NCOA6: variants seen among roughly 807,000 people sequenced by gnomAD.
NCOA6 encodes NRC RAP250.
In NCOA6, 49 loss-of-function variants were observed where a neutral mutation model predicts 171.4. The observed-to-expected ratio is 0.29, with a 90% CI of 0.23 to 0.36. The LOEUF (loss-of-function observed/expected upper bound fraction) is 0.36. Ranked by LOEUF, NCOA6 falls within the 10% of genes least tolerant of loss-of-function variation. NCOA6 has a pLI of 1.00. For synonymous variants in NCOA6, 910 were observed against 927.5 expected (o/e 0.98, Z 0.34); for missense variants, 2,248 against 2,554.5 (o/e 0.88, Z 2.59).
chr20:34,791,200 C>T (rs2077870994), intron 2 of NCOA6, among the ~76,000 whole-genome samples: 1 of 152,222 alleles, frequency 6.6e-6, no homozygotes, highest in Non-Finnish European at 1.5e-5. Context: ...CAACCTGATG[C>T]ATTTTTAACA....
chr20:34,724,056 T>C (rs556743770), intron 14 of NCOA6, among the ~76,000 whole-genome samples: 95 of 152,340 alleles, frequency 6.2e-4, no homozygotes, highest in African/African-American at 2.2e-3. Flanking sequence ...GCATGTTCCC[T>C]TTTATGCTTT....
chr20:34,763,204 C>T (rs1028651897), intron 5 of NCOA6, among the ~76,000 whole-genome samples: 28 of 152,174 alleles, frequency 1.8e-4, no homozygotes, highest in African/African-American at 6.7e-4. Context: ...GTCATCCCTC[C>T]TCAATTTCTT....
chr20:34,784,535 T>C (rs1034392414), intron 2 of NCOA6, among the ~76,000 whole-genome samples: 2 of 152,114 alleles, frequency 1.3e-5, no homozygotes, highest in Admixed American at 6.6e-5. Flanking sequence ...CAATTTTTCT[T>C]TTTTAAATAG....
Position 34,742,890 on chromosome 20 carries a change from G to A in NCOA6, c.3366C>T (p.Ser1122=), listed in dbSNP as rs2076191286. Residue 1122 remains serine, a synonymous_variant, in exon 11 of 15, where the codon TCC becomes TCT. Coordinates refer to ENST00000359003, the MANE Select transcript of NCOA6 (RefSeq NM_014071.5). The stretch of plus-strand genomic sequence containing the variant: ...AGGCCATCTCCGCCAGTGGCGAGCT[G>A]GAAGGATTCTGCGGGCTCTCCTGAT... ...MVYQESPQNP[S]SSPLAEMASL... is the part of the protein sequence containing the mutation. 5.0e-6 allele frequency: 8 copies of A among 1,614,200 alleles called. No individual in the cohort carries two copies. The highest frequency in any genetic ancestry group is 6.8e-6 in the Non-Finnish European group (8 of 1,180,010).
rs188126261 is a variant in NCOA6, at chr20:34,741,426, A to G, written c.4830T>C (p.Ala1610=). Residue 1610 remains alanine (A), a synonymous_variant, in exon 11 of 15, where the codon GCT becomes GCC. Transcript: ENST00000359003. Reference sequence around the variant, plus strand: ...GAGTTGGCAAAGCTGCTGATGTGTTAGCTGAAGTTGTGATGGGATTGGAAG... The same window carrying G: ...GAGTTGGCAAAGCTGCTGATGTGTTGGCTGAAGTTGTGATGGGATTGGAAG... ...FVTSNPITTS[A]NTSAALPTHL... is the part of the protein sequence containing the mutation. 1.9e-6 allele frequency: 3 copies of G among 1,614,236 alleles called. No homozygotes were observed. The East Asian group carries it at 6.7e-5, about 36-fold the overall frequency.
At position 34,740,606 on chromosome 20, in the gene NCOA6, G is replaced by A. The variant is rs1268208638; in HGVS notation, c.5650C>T (p.Pro1884Ser). The change falls in exon 11 of 15, where the codon CCC (proline) becomes TCC (serine). Residue 1884 changes from proline (P) to serine (S), a missense_variant. Coordinates refer to ENST00000359003, the MANE Select transcript of NCOA6 (RefSeq NM_014071.5). ...CTAGAGGTCATTTTTAGCAGAGTGGGTGCTGGGGGCGTTGGGGTTTTACTG... is the reference window on the plus strand; with the variant it reads ...CTAGAGGTCATTTTTAGCAGAGTGGATGCTGGGGGCGTTGGGGTTTTACTG... ...LDSKTPTPPA[P>S]TLLKMTSSPV... The A allele has an allele frequency of 1.2e-6, 2 of 1,614,086 alleles. No individual in the cohort carries two copies. Among genetic ancestry groups the A allele is most frequent in the Non-Finnish European group, 1.7e-6 (2 of 1,180,064 alleles).
chr20:34,773,018 C>T (rs954934171), intron 4 of NCOA6, among the ~76,000 whole-genome samples: 8 of 152,122 alleles, frequency 5.3e-5, no homozygotes, highest in Non-Finnish European at 1.0e-4. Context: ...AGAACACTAC[C>T]GGCTCCCAAA....
chr20:34,764,567 T>A (rs892838485), intron 5 of NCOA6, among the ~76,000 whole-genome samples: 10 of 151,602 alleles, frequency 6.6e-5, no homozygotes, highest in African/African-American at 2.2e-4. Context: ...GCACCTGTAA[T>A]CCCAGCTACT....
At chr20:34,734,922 A>G (rs2075902864) in intron 12 of NCOA6, among the ~76,000 whole-genome samples, 1 of 152,190 alleles carries the variant, frequency 6.6e-6, no homozygotes, top group Non-Finnish European at 1.5e-5. Context: ...TGCTGGGATT[A>G]CAGGTGTGAG....
Position 34,769,508 on chromosome 20 carries a change from C to T in NCOA6, c.392-922G>A, listed in dbSNP as rs140371141. Among the ~76,000 whole-genome samples the T allele has an allele frequency of 4.2e-3, 632 of 152,002 alleles. 2 individuals carry two copies. The highest frequency in any genetic ancestry group is 0.015 in the African/African-American group (604 of 41,450). ...CCTTCCGAGTAGCTGGGATTACAGG[C>T]GCCCACCACCACGCCCAGCTAATTT... On this transcript the variant is annotated intron_variant, in intron 4 of 14. Coordinates refer to ENST00000359003, the MANE Select transcript of NCOA6 (RefSeq NM_014071.5).
intron 1 of NCOA6, among the ~76,000 whole-genome samples, chr20:34,818,153 G>T (rs2425004): frequency 0.16 from 23,900 of 152,184 alleles, 2,075 homozygotes; most frequent in South Asian, 0.32. Context: ...TGCTACTTAT[G>T]AAATACTTAG....
chr20:34,734,930 G>A (rs2075903207), intron 12 of NCOA6, among the ~76,000 whole-genome samples: 1 of 152,180 alleles, frequency 6.6e-6, no homozygotes, highest in Non-Finnish European at 1.5e-5. Flanking sequence ...TTACAGGTGT[G>A]AGCCACCGCG....
At chr20:34,814,087 T>C (rs1477112709) in intron 1 of NCOA6, among the ~76,000 whole-genome samples, 1 of 152,052 alleles carries the variant, frequency 6.6e-6, no homozygotes, top group Admixed American at 6.6e-5. Flanking sequence ...TCCCAGCACT[T>C]TGGGAGGCTG....
intron 3 of NCOA6, among the ~76,000 whole-genome samples, chr20:34,777,764 A>G (rs1401631187): frequency 6.6e-6 from 1 of 152,260 alleles, no homozygotes; most frequent in Non-Finnish European, 1.5e-5. Flanking sequence ...ACACACTCAA[A>G]TGAACTGAAA....
chr20:34,725,218 G>A (rs2146993100), intron 14 of NCOA6, among the ~76,000 whole-genome samples: 1 of 152,266 alleles, frequency 6.6e-6, no homozygotes, highest in Admixed American at 6.5e-5. Context: ...ACCATACTAG[G>A]CACCAGAGAT....
At chr20:34,754,464 C>T (rs1752950233) in intron 8 of NCOA6, among the ~76,000 whole-genome samples, 1 of 152,170 alleles carries the variant, frequency 6.6e-6, no homozygotes, top group Non-Finnish European at 1.5e-5. Context: ...CTATCTGCCC[C>T]TTCAGAGAAA....
intron 6 of NCOA6, 149 bp from the exon 7 acceptor site, chr20:34,758,253 C>T: frequency 9.3e-7 from 1 of 1,075,326 alleles, no homozygotes; most frequent in Non-Finnish European, 1.3e-6. Context: ...ATGTATGAAG[C>T]AACATACCAA....
At chr20:34,736,615 G>A (rs1421391082) in intron 12 of NCOA6, 75 bp downstream of exon 12, 7 of 1,222,674 alleles carry the variant, frequency 5.7e-6, no homozygotes, top group African/African-American at 1.5e-5. Flanking sequence ...AAGAACACAC[G>A]ACATTGAGGA....
At position 34,743,067 on chromosome 20, in the gene NCOA6, G is replaced by A. The variant is rs759900438; in HGVS notation, c.3189C>T (p.Pro1063=). The change falls in exon 11 of 15, where the codon CCC becomes CCT. Residue 1063 remains proline, a synonymous_variant. Coordinates refer to ENST00000359003, the MANE Select transcript of NCOA6 (RefSeq NM_014071.5). ...NVHPPRGPLN[P]DSQRMPMQQS... ...GTTGCATGGGCATTCTCTGGGAGTC[G>A]GGGTTCAGGGGGCCCCTTGGAGGAT... 8 of 1,613,662 alleles carry A rather than the reference G, an allele frequency of 5.0e-6. No homozygotes were observed. The highest frequency in any genetic ancestry group is 2.2e-5 in the East Asian group (1 of 44,864).
Sources: allele counts gnomAD v4.1 joint callset (sites outside exome capture counted in the v4.1 genomes callset), GRCh38; gene constraint gnomAD v4.1.1; transcripts MANE v1.5; gene names NCBI Gene and HGNC (gene_info 2026-07-23, HGNC 2026-07-21).